The following GALNT10 variants were observed in gnomAD, a reference collection of about 807,000 sequenced individuals.
The protein encoded by GALNT10 is GalNAc transferase 10.
GALNT10 carries 41 observed loss-of-function variants against 75.0 expected under a neutral mutation model. The ratio of observed to expected loss-of-function variants is 0.55; its 90% CI spans 0.43 to 0.71. The LOEUF (loss-of-function observed/expected upper bound fraction) is 0.71, where lower values mean the gene tolerates loss of function less well. Among genes scored for constraint, GALNT10 ranks in the 30% least tolerant of loss-of-function variants. GALNT10 has a pLI of 0.00. For missense variants in GALNT10, 727 were observed against 818.5 expected, an observed-to-expected ratio of 0.89 and a Z score of 1.36; for synonymous variants, 302 against 313.0, an observed-to-expected ratio of 0.96 and a Z score of 0.37.
chr5:154,240,903 T>C (rs1753325736), intron 1 of GALNT10, among the ~76,000 whole-genome samples: 1 of 152,182 alleles, frequency 6.6e-6, no homozygotes, highest in South Asian at 2.1e-4. Context: ...GTGTCCTCAT[T>C]TGTAATTTGA....
intron 1 of GALNT10, among the ~76,000 whole-genome samples, chr5:154,234,319 G>T (rs1047599604): frequency 6.6e-6 from 1 of 152,130 alleles, no homozygotes; most frequent in African/African-American, 2.4e-5. Flanking sequence ...TCCTACCCAG[G>T]GTCTTAGTGG....
intron 7 of GALNT10, chr5:154,392,501 T>C (rs961626154): frequency 3.3e-5 from 5 of 152,242 alleles, no homozygotes; most frequent in Non-Finnish European, 7.3e-5. Flanking sequence ...CCTAGGACCC[T>C]GGGCCAGTTG....
chr5:154,283,507 T>C (rs1429727945), intron 1 of GALNT10, among the ~76,000 whole-genome samples: 1 of 151,642 alleles, frequency 6.6e-6, no homozygotes, highest in Non-Finnish European at 1.5e-5. Context: ...AGAGTGAGAG[T>C]GAGGTGGGAT....
chr5:154,205,009 C>A (rs964067494), intron 1 of GALNT10, among the ~76,000 whole-genome samples: 1 of 152,154 alleles, frequency 6.6e-6, no homozygotes, highest in African/African-American at 2.4e-5. Context: ...TTCCCAGATA[C>A]CCTACAGATA....
intron 3 of GALNT10, among the ~76,000 whole-genome samples, chr5:154,326,223 A>G (rs1315209060): frequency 2.0e-5 from 3 of 152,226 alleles, no homozygotes; most frequent in East Asian, 1.9e-4. Flanking sequence ...TAGGATAGCT[A>G]TAATCAAAAA....
At chr5:154,211,138 CAGG>C (rs1282763416) in intron 1 of GALNT10, among the ~76,000 whole-genome samples, 1 of 151,950 alleles carries the variant, frequency 6.6e-6, no homozygotes, top group Admixed American at 6.6e-5. Flanking sequence ...AAAGGGATGC[CAGG>C]AGGAGGAGGA....
chr5:154,393,372 C>G (rs1755949019), intron 7 of GALNT10, among the ~76,000 whole-genome samples: 1 of 152,196 alleles, frequency 6.6e-6, no homozygotes, highest in South Asian at 2.1e-4. Flanking sequence ...CCGCGCCCAG[C>G]CCATCTCACT....
intron 3 of GALNT10, among the ~76,000 whole-genome samples, chr5:154,305,493 AT>A (rs1754421139): frequency 6.6e-6 from 1 of 152,250 alleles, no homozygotes; most frequent in African/African-American, 2.4e-5. Context: ...AGAGATACAA[AT>A]AAGTTAAATG....
intron 3 of GALNT10, among the ~76,000 whole-genome samples, chr5:154,313,656 G>A (rs1357523540): frequency 2.0e-5 from 3 of 152,210 alleles, no homozygotes; most frequent in Non-Finnish European, 4.4e-5. Flanking sequence ...GGCACACGTT[G>A]TCAAGTAATC....
intron 6 of GALNT10, among the ~76,000 whole-genome samples, chr5:154,382,370 T>C (rs1269890467): frequency 6.6e-6 from 1 of 152,230 alleles, no homozygotes; most frequent in East Asian, 1.9e-4. Flanking sequence ...TACTATTAGA[T>C]CCCTTCCTGG....
chr5:154,341,686 G>A (rs1755034662), intron 4 of GALNT10, among the ~76,000 whole-genome samples: 1 of 152,196 alleles, frequency 6.6e-6, no homozygotes, highest in Non-Finnish European at 1.5e-5. Flanking sequence ...ACCCTTCACA[G>A]CATTCACGTT....
intron 1 of GALNT10, among the ~76,000 whole-genome samples, chr5:154,265,603 A>G (rs1432985724): frequency 6.6e-6 from 1 of 152,204 alleles, no homozygotes; most frequent in African/African-American, 2.4e-5. Flanking sequence ...CCTAGCAGCA[A>G]TGGTTTATGC....
chr5:154,218,058 C>T lies in GALNT10; in HGVS notation c.159+27033C>T, dbSNP rs563421544. On this transcript the variant is annotated intron_variant, in intron 1 of 11. Coordinates refer to ENST00000297107, the MANE Select transcript of GALNT10 (RefSeq NM_198321.4). ...CTTCCCCACCCCAGCCTGGGCACTG[C>T]TGTTCGACTGAGACCAGGATTATTC... is the stretch of plus-strand genomic sequence containing the variant. 3.0e-6 allele frequency: 3 copies of T among 984,574 alleles called. No individual in the cohort carries two copies. In the East Asian group the frequency reaches 3.4e-4, roughly 112 times the overall value. 61.0% of individuals were successfully genotyped at this position (984,574 alleles called of 1,614,324 possible).
intron 3 of GALNT10, among the ~76,000 whole-genome samples, chr5:154,314,552 T>C (rs912569097): frequency 6.6e-6 from 1 of 152,124 alleles, no homozygotes; most frequent in Non-Finnish European, 1.5e-5. Context: ...AAGCTCCGTA[T>C]GTGGCCTGGG....
intron 4 of GALNT10, among the ~76,000 whole-genome samples, chr5:154,330,980 A>G (rs886338082): frequency 6.6e-6 from 1 of 151,278 alleles, no homozygotes; most frequent in Non-Finnish European, 1.5e-5. Context: ...TACCCGGTCT[A>G]TAAAGTCTTC....
intron 1 of GALNT10, among the ~76,000 whole-genome samples, chr5:154,237,999 G>GT (rs1364731950): frequency 1.3e-5 from 2 of 152,136 alleles, no homozygotes; most frequent in African/African-American, 4.8e-5. Flanking sequence ...GGGGCCATTT[G>GT]TTTATTTCAT....
intron 1 of GALNT10, among the ~76,000 whole-genome samples, chr5:154,255,098 A>C (rs575464281): frequency 2.0e-5 from 3 of 152,110 alleles, no homozygotes; most frequent in Non-Finnish European, 4.4e-5. Flanking sequence ...GGATACAGGC[A>C]TGAGTCACCA....
chr5:154,313,527 G>C (rs568099652), intron 3 of GALNT10, among the ~76,000 whole-genome samples: 1 of 152,122 alleles, frequency 6.6e-6, no homozygotes, highest in Middle Eastern at 3.2e-3. Context: ...TGAATAATAA[G>C]AATAAACCTC....
intron 4 of GALNT10, among the ~76,000 whole-genome samples, chr5:154,336,724 CT>C (rs1241202747): frequency 6.6e-6 from 1 of 152,172 alleles, no homozygotes; most frequent in Non-Finnish European, 1.5e-5. Flanking sequence ...TGTTTGCAGT[CT>C]GGTATGTATC....
Sources: allele counts gnomAD v4.1 joint callset (sites outside exome capture counted in the v4.1 genomes callset), GRCh38; gene constraint gnomAD v4.1.1; transcripts MANE v1.5; gene names NCBI Gene and HGNC (gene_info 2026-07-23, HGNC 2026-07-21).